The following SEC24B variants were observed in gnomAD, a reference collection of about 807,000 sequenced individuals.
SEC24B encodes protein transport protein Sec24B.
A neutral mutation model predicts 142.8 loss-of-function variants in SEC24B; 45 were observed. The observed-to-expected ratio is 0.32, with a 90% confidence interval of 0.25 to 0.40. SEC24B has a LOEUF of 0.40. Among genes scored for constraint, SEC24B ranks in the 10% least tolerant of loss-of-function variants. The pLI, the probability that SEC24B is intolerant of heterozygous loss-of-function variation, is 1.00. For missense variants in SEC24B, 1,409 were observed against 1,526.8 expected (o/e 0.92, Z 1.29); for synonymous variants, 574 against 568.2 (o/e 1.01, Z -0.15).
At chr4:109,492,377 C>T (rs1482866321) in intron 5 of SEC24B, among the ~76,000 whole-genome samples, 1 of 152,078 alleles carries the variant, frequency 6.6e-6, no homozygotes, top group African/African-American at 2.4e-5. Context: ...TTATCAAGAT[C>T]TTCTAGAAGA....
intron 6 of SEC24B, among the ~76,000 whole-genome samples, chr4:109,501,400 C>G (rs1004451208): frequency 3.3e-5 from 5 of 152,236 alleles, no homozygotes; most frequent in Non-Finnish European, 7.3e-5. Flanking sequence ...AGCGACGTGA[C>G]TACACACACA....
At chr4:109,476,192 GAC>G (rs1273041701) in intron 3 of SEC24B, among the ~76,000 whole-genome samples, 1 of 152,004 alleles carries the variant, frequency 6.6e-6, no homozygotes, top group Non-Finnish European at 1.5e-5. Context: ...TCACCATGTT[GAC>G]CAGGCTGGTC....
chr4:109,538,003 T>C (rs1176042659), intron 22 of SEC24B, among the ~76,000 whole-genome samples: 1 of 152,174 alleles, frequency 6.6e-6, no homozygotes, highest in Non-Finnish European at 1.5e-5. Context: ...TAGTCTCGCG[T>C]ATAGTTTTAA....
chr4:109,498,332 A>G (rs1306696397), intron 6 of SEC24B, among the ~76,000 whole-genome samples: 2 of 152,210 alleles, frequency 1.3e-5, no homozygotes, highest in Non-Finnish European at 2.9e-5. Flanking sequence ...TTCATCGAAG[A>G]TTAAAATTAT....
At chr4:109,501,345 A>G (rs1736120763) in intron 6 of SEC24B, among the ~76,000 whole-genome samples, 2 of 152,242 alleles carry the variant, frequency 1.3e-5, no homozygotes, top group South Asian at 4.1e-4. Context: ...GCACAAGGAC[A>G]AAATCACCTA....
chr4:109,476,461 G>A (rs985257175), intron 3 of SEC24B, among the ~76,000 whole-genome samples: 1 of 141,288 alleles, frequency 7.1e-6, no homozygotes, highest in Non-Finnish European at 1.5e-5. Flanking sequence ...TTCATTGTTA[G>A]AATATGATAA....
chr4:109,448,148 G>A (rs1729655733), intron 1 of SEC24B, among the ~76,000 whole-genome samples: 1 of 152,268 alleles, frequency 6.6e-6, no homozygotes, highest in Non-Finnish European at 1.5e-5. Context: ...TTAATACCAT[G>A]TGCAACCTTA....
intron 11 of SEC24B, among the ~76,000 whole-genome samples, 164 bp downstream of exon 11, chr4:109,516,804 A>C (rs892915366): frequency 6.6e-6 from 1 of 152,212 alleles, no homozygotes; most frequent in Non-Finnish European, 1.5e-5. Flanking sequence ...TACTCGAGTT[A>C]TGATTTATGA....
chr4:109,441,239 A>G (rs1232166862), intron 1 of SEC24B, among the ~76,000 whole-genome samples: 1 of 152,200 alleles, frequency 6.6e-6, no homozygotes, highest in Non-Finnish European at 1.5e-5. Flanking sequence ...CTTTGGAACC[A>G]GCAATGCCTG....
chr4:109,503,448 A>T (rs764051592), intron 6 of SEC24B, among the ~76,000 whole-genome samples: 2 of 149,502 alleles, frequency 1.3e-5, no homozygotes, highest in Non-Finnish European at 3.0e-5. Flanking sequence ...CTGGTCTTGA[A>T]CTCCTGACCT....
At chr4:109,527,516 T>A in intron 18 of SEC24B, 84 bp downstream of exon 18, 3 of 980,214 alleles carry the variant, frequency 3.1e-6, no homozygotes, top group Non-Finnish European at 4.8e-6. Context: ...CGTCCGCCTG[T>A]AATCCCAGCA....
At chr4:109,467,589 C>A (rs1179534017) in intron 2 of SEC24B, among the ~76,000 whole-genome samples, 1 of 151,974 alleles carries the variant, frequency 6.6e-6, no homozygotes, top group Non-Finnish European at 1.5e-5. Flanking sequence ...TGTAAAGATG[C>A]CCATTTTTGA....
chr4:109,509,054 G>C (rs1279661501), intron 7 of SEC24B, among the ~76,000 whole-genome samples: 3 of 152,152 alleles, frequency 2.0e-5, no homozygotes, highest in Admixed American at 6.5e-5. Flanking sequence ...CAGGTGGAGG[G>C]TGACTCTTGT....
At chr4:109,437,069 C>T (rs1380993276) in intron 1 of SEC24B, among the ~76,000 whole-genome samples, 1 of 152,184 alleles carries the variant, frequency 6.6e-6, no homozygotes, top group Non-Finnish European at 1.5e-5. Context: ...ACTTGTGATA[C>T]TTATGATAGG....
chr4:109,531,526 T>A lies in SEC24B; in HGVS notation c.3390+4T>A, dbSNP rs764291353. The A allele has an allele frequency of 3.1e-6, 5 of 1,591,834 alleles. No homozygotes were observed. The South Asian group carries it at 5.6e-5, about 18-fold the overall frequency. On this transcript the variant is annotated splice_donor_region_variant and intron_variant, in intron 20 of 23. Coordinates refer to ENST00000265175, the MANE Select transcript of SEC24B (RefSeq NM_006323.5). ...GATAGACAGATTGACAGATGAGGTA[T>A]GTATTTTAGTGCATTTGAAATGTTT...
intron 22 of SEC24B, among the ~76,000 whole-genome samples, chr4:109,537,991 A>G (rs910528289): frequency 6.6e-6 from 1 of 152,212 alleles, no homozygotes; most frequent in African/African-American, 2.4e-5. Flanking sequence ...GTCCTTTTAA[A>G]ATAGTCTCGC....
At chr4:109,484,804 A>G (rs1328489149) in intron 4 of SEC24B, among the ~76,000 whole-genome samples, 4 of 150,708 alleles carry the variant, frequency 2.7e-5, no homozygotes, top group Non-Finnish European at 5.9e-5. Flanking sequence ...GTGAGCCGAG[A>G]TCACGCCACT....
At chr4:109,479,293 C>G (rs1360479546) in intron 3 of SEC24B, among the ~76,000 whole-genome samples, 1 of 151,490 alleles carries the variant, frequency 6.6e-6, no homozygotes, top group African/African-American at 2.4e-5. Flanking sequence ...ATATAACATT[C>G]CTTCTCCATT....
intron 2 of SEC24B, among the ~76,000 whole-genome samples, chr4:109,467,521 A>G (rs1371256525): frequency 1.3e-5 from 2 of 152,142 alleles, no homozygotes; most frequent in African/African-American, 2.4e-5. Context: ...GTAATAGATA[A>G]TAAGTACAGA....
Sources: allele counts gnomAD v4.1 joint callset (sites outside exome capture counted in the v4.1 genomes callset), GRCh38; gene constraint gnomAD v4.1.1; transcripts MANE v1.5; gene names NCBI Gene and HGNC (gene_info 2026-07-23, HGNC 2026-07-21).